The following AGTPBP1 variants were observed in gnomAD, a reference collection of about 807,000 sequenced individuals.
AGTPBP1 encodes the protein cytosolic carboxypeptidase 1.
In AGTPBP1, 70 loss-of-function variants were observed where a neutral mutation model predicts 143.9. The observed-to-expected ratio is 0.49, with a 90% CI of 0.40 to 0.59. The LOEUF (loss-of-function observed/expected upper bound fraction) is 0.59, where lower values mean the gene tolerates loss of function less well. AGTPBP1 is among the 20% of genes least tolerant of loss of function. The pLI is 0.00. For missense variants in AGTPBP1, 1,229 were observed against 1,464.5 expected (o/e 0.84, Z 2.62); for synonymous variants, 463 against 500.2 (o/e 0.93, Z 0.99).
At chr9:85,724,342 C>T (rs1838334095) in intron 1 of AGTPBP1, among the ~76,000 whole-genome samples, 1 of 151,002 alleles carries the variant, frequency 6.6e-6, no homozygotes, top group African/African-American at 2.4e-5. Context: ...AAGCTACCTA[C>T]TCTATGGTAT....
intron 21 of AGTPBP1, among the ~76,000 whole-genome samples, chr9:85,587,633 T>TA (rs1828698562): frequency 6.6e-6 from 1 of 152,176 alleles, no homozygotes. Context: ...TTTCCTAAAA[T>TA]ACGAGAAATA....
intron 1 of AGTPBP1, among the ~76,000 whole-genome samples, chr9:85,732,966 AAGT>A (rs1339933467): frequency 1.3e-5 from 2 of 152,226 alleles, no homozygotes; most frequent in African/African-American, 4.8e-5. Flanking sequence ...AAAATATATG[AAGT>A]AGTTACAGAT....
chr9:85,791,287 C>T, the AGTPBP1 span, among the ~76,000 whole-genome samples: 2 of 151,562 alleles, frequency 1.3e-5, no homozygotes, highest in South Asian at 2.1e-4. Context: ...GGCAGGAGAA[C>T]TGCTTGTACT....
At chr9:85,708,663 G>A (rs895510014) in intron 2 of AGTPBP1, among the ~76,000 whole-genome samples, 9 of 151,960 alleles carry the variant, frequency 5.9e-5, no homozygotes, top group Admixed American at 1.3e-4. Flanking sequence ...TCAGCCTCTC[G>A]AGTAGCTGGG....
intron 1 of AGTPBP1, among the ~76,000 whole-genome samples, chr9:85,725,822 A>T (rs1235215860): frequency 6.6e-6 from 1 of 151,962 alleles, no homozygotes; most frequent in Non-Finnish European, 1.5e-5. Context: ...AAGGCGGGCG[A>T]ATCACCTGAA....
intron 2 of AGTPBP1, among the ~76,000 whole-genome samples, chr9:85,693,140 A>G (rs1278091874): frequency 6.6e-6 from 1 of 152,076 alleles, no homozygotes; most frequent in East Asian, 1.9e-4. Context: ...GCTCTCCTCA[A>G]AACTCTGATA....
chr9:85,748,519 GAATT>G, the AGTPBP1 span, among the ~76,000 whole-genome samples: 47 of 152,168 alleles, frequency 3.1e-4, no homozygotes, highest in Non-Finnish European at 6.2e-4. Context: ...TCTTATAGAT[GAATT>G]AATGATCTTC....
chr9:85,669,551 T>C lies in AGTPBP1; in HGVS notation c.596A>G (p.Asn199Ser), dbSNP rs1834350609. Residue 199 changes from asparagine (N) to serine (S), a missense_variant, in exon 8 of 26, where the codon AAT (asparagine) becomes AGT (serine). Physicochemically the swap from Asn to Ser is conservative, Grantham distance 46. Around this residue, in one of 2 missense-constraint regions of AGTPBP1, gnomAD observed 743 missense variants for 812.2 expected, o/e 0.91. Transcript: ENST00000357081. ...TTTAAACATCAGTTCCACAACTCCA[T>C]TTTTCCCTAAGGATACTGAATTCAC... ...NSVNSVSLGK[N>S]GVVELMFKII... 4 of 1,610,028 alleles carry C rather than the reference T, an allele frequency of 2.5e-6. No homozygotes were observed. In the East Asian group the frequency reaches 9.0e-5, roughly 36 times the overall value.
chr9:85,781,360 T>C, the AGTPBP1 span: 1 of 1,556,022 alleles, frequency 6.4e-7, no homozygotes, highest in Non-Finnish European at 8.6e-7. Flanking sequence ...ACTAGCATCA[T>C]CAGAGTGTAA....
the AGTPBP1 span, among the ~76,000 whole-genome samples, chr9:85,800,351 T>C: frequency 6.6e-6 from 1 of 152,200 alleles, no homozygotes; most frequent in Non-Finnish European, 1.5e-5. Context: ...GCTGTAGTTT[T>C]AGAGCCTTTC....
chr9:85,625,594 G>A (rs927810976), intron 14 of AGTPBP1, among the ~76,000 whole-genome samples: 1 of 146,392 alleles, frequency 6.8e-6, no homozygotes, highest in Admixed American at 6.7e-5. Context: ...TAAAAATACA[G>A]TTTTTTTTTT....
chr9:85,796,393 C>T, the AGTPBP1 span, among the ~76,000 whole-genome samples: 2 of 152,176 alleles, frequency 1.3e-5, no homozygotes, highest in African/African-American at 2.4e-5. Context: ...GATGCTTTTA[C>T]GTTTTATGTT....
intron 2 of AGTPBP1, among the ~76,000 whole-genome samples, chr9:85,712,122 G>A (rs537350200): frequency 7.2e-5 from 11 of 151,990 alleles, no homozygotes; most frequent in Non-Finnish European, 8.8e-5. Context: ...AAAATCAGCC[G>A]GGTGTGGTGG....
the AGTPBP1 span, among the ~76,000 whole-genome samples, chr9:85,757,052 G>C: frequency 1.4e-3 from 208 of 152,154 alleles, no homozygotes; most frequent in Middle Eastern, 0.01. Context: ...GGTTACATAA[G>C]TGTGAATATA....
At chr9:85,591,017 A>T (rs2133218717) in intron 19 of AGTPBP1, among the ~76,000 whole-genome samples, 1 of 152,308 alleles carries the variant, frequency 6.6e-6, no homozygotes, top group South Asian at 2.1e-4. Flanking sequence ...AGTCTAGCAC[A>T]TTAAATCTTT....
intron 2 of AGTPBP1, among the ~76,000 whole-genome samples, chr9:85,701,872 T>C (rs1319857814): frequency 6.6e-6 from 1 of 152,212 alleles, no homozygotes; most frequent in Non-Finnish European, 1.5e-5. Flanking sequence ...TCTGCTTTCA[T>C]TACCATAGTC....
intron 1 of AGTPBP1, among the ~76,000 whole-genome samples, chr9:85,733,804 T>C (rs1174246317): frequency 2.6e-5 from 4 of 151,962 alleles, no homozygotes; most frequent in Admixed American, 2.6e-4. Context: ...CAAAAAGGAT[T>C]ATAACAGAGT....
chr9:85,673,576 G>C (rs1173812383), intron 6 of AGTPBP1, among the ~76,000 whole-genome samples: 1 of 152,054 alleles, frequency 6.6e-6, no homozygotes, highest in Non-Finnish European at 1.5e-5. Context: ...CTCATGAAGA[G>C]ATTAAAACAG....
the AGTPBP1 span, among the ~76,000 whole-genome samples, chr9:85,800,290 G>T: frequency 6.6e-6 from 1 of 152,208 alleles, no homozygotes; most frequent in Non-Finnish European, 1.5e-5. Flanking sequence ...AACATTCACA[G>T]TGAATTCTCC....
Sources: allele counts gnomAD v4.1 joint callset (sites outside exome capture counted in the v4.1 genomes callset), GRCh38; gene constraint gnomAD v4.1.1; regional missense constraint gnomAD v4.1.1; transcripts MANE v1.5; gene names NCBI Gene and HGNC (gene_info 2026-07-23, HGNC 2026-07-21).